Variants in MIR17HG observed in about 807,000 individuals in gnomAD.
MIR17HG encodes the protein MIR17 host gene (non-protein coding).
chr13:91,350,198 C>T (rs904494718), exon 3 of MIR17HG: 7 of 174,504 alleles, frequency 4.0e-5, no homozygotes, highest in Non-Finnish European at 8.7e-5. Context: ...AATGTTTTGC[C>T]ACGTGGATGT....
At chr13:91,348,830 C>T (rs1875109657) in intron 1 of MIR17HG, among the ~76,000 whole-genome samples, 2 of 149,676 alleles carry the variant, frequency 1.3e-5, no homozygotes, top group Admixed American at 1.3e-4. Context: ...ATGGCGGCGA[C>T]TGCGCGCCGC....
intron 3 of MIR17HG, chr13:91,351,421 T>C (rs774562990): frequency 2.0e-5 from 10 of 507,332 alleles, no homozygotes; most frequent in African/African-American, 1.7e-4. Context: ...ATTTTGAAAA[T>C]TAAATATTAC....
At chr13:91,350,716 T>TTA (rs1172689135) in intron 3 of MIR17HG, 1 of 533,894 alleles carries the variant, frequency 1.9e-6, no homozygotes, top group South Asian at 1.4e-5. Context: ...AAGTTGGGCT[T>TTA]TAAAGTGCAG....
intron 3 of MIR17HG, chr13:91,350,723 G>A (rs1333045050): frequency 1.9e-6 from 1 of 534,036 alleles, no homozygotes; most frequent in East Asian, 5.5e-5. Flanking sequence ...GCTTTAAAGT[G>A]CAGGGCCTGC....
upstream of MIR17HG, chr13:91,347,801 G>C (rs959504484): frequency 4.0e-5 from 6 of 151,394 alleles, no homozygotes; most frequent in South Asian, 2.1e-4. Flanking sequence ...CAGCGCCGCC[G>C]GGGCTCGCGC....
exon 4 of MIR17HG, chr13:91,354,168 A>C (rs1295750392): frequency 6.6e-6 from 1 of 152,250 alleles, no homozygotes; most frequent in Non-Finnish European, 1.5e-5. Flanking sequence ...CAATCTGCAC[A>C]GAGCCAGTTT....
chr13:91,348,004 TGCGGCCCGGGTCTGGCGGGCGGGGCGGA>T (rs1333466016), intron 1 of MIR17HG: 4 of 151,152 alleles, frequency 2.6e-5, no homozygotes, highest in South Asian at 3.8e-4. Context: ...ACCTGTTGTG[TGCGGCCCGGGTCTGGCGGGCGGGGCGGA>T]GCGGCCCGGG....
chr13:91,347,712 G>C (rs1032183992), upstream of MIR17HG: 11 of 152,860 alleles, frequency 7.2e-5, no homozygotes, highest in South Asian at 4.1e-4. Flanking sequence ...CCTTCGAGGT[G>C]CCGCCGCCGC....
intron 1 of MIR17HG, among the ~76,000 whole-genome samples, chr13:91,349,145 A>T (rs962792984): frequency 6.6e-6 from 1 of 151,902 alleles, no homozygotes; most frequent in Non-Finnish European, 1.5e-5. Context: ...CCCGGGCTCC[A>T]TGAGCGTGGC....
At chr13:91,348,743 A>C (rs934068862) in intron 1 of MIR17HG, among the ~76,000 whole-genome samples, 1 of 150,250 alleles carries the variant, frequency 6.7e-6, no homozygotes, top group African/African-American at 2.4e-5. Flanking sequence ...CGGGAGGGCC[A>C]GCCCGGCTCG....
chr13:91,348,805 G>A (rs542208877), intron 1 of MIR17HG, among the ~76,000 whole-genome samples: 2 of 150,166 alleles, frequency 1.3e-5, no homozygotes, highest in South Asian at 4.1e-4. Flanking sequence ...CTGCACGGGG[G>A]TGAGGGCGGG....
chr13:91,353,446 G>A (rs1399453064), intron 3 of MIR17HG, among the ~76,000 whole-genome samples: 24 of 152,164 alleles, frequency 1.6e-4, no homozygotes, highest in Admixed American at 1.6e-3. Flanking sequence ...GTTCTATAGG[G>A]TTTAATAGGA....
intron 3 of MIR17HG, among the ~76,000 whole-genome samples, chr13:91,352,688 AAC>A (rs1875378683): frequency 6.6e-6 from 1 of 152,238 alleles, no homozygotes; most frequent in South Asian, 2.1e-4. Flanking sequence ...ATGTGAAATG[AAC>A]AGTGATTTAT....
chr13:91,348,702 C>A (rs1359102192), intron 1 of MIR17HG, among the ~76,000 whole-genome samples: 1 of 150,668 alleles, frequency 6.6e-6, no homozygotes, highest in African/African-American at 2.4e-5. Flanking sequence ...GTGGAGCCGC[C>A]TGCGCCCGGC....
chr13:91,348,171 A>C (rs1316341911), intron 1 of MIR17HG, among the ~76,000 whole-genome samples: 3 of 8,990 alleles, frequency 3.3e-4, no homozygotes, highest in African/African-American at 9.5e-4. Context: ...GGAGGGGGGC[A>C]GGGCCGGGGC....
At chr13:91,348,273 C>T (rs1474635662) in intron 1 of MIR17HG, among the ~76,000 whole-genome samples, 1 of 150,324 alleles carries the variant, frequency 6.7e-6, no homozygotes. Flanking sequence ...GGTGGGCGGA[C>T]GGCGAACACA....
At chr13:91,353,527 C>A (rs1036219509) in intron 3 of MIR17HG, among the ~76,000 whole-genome samples, 1 of 152,112 alleles carries the variant, frequency 6.6e-6, no homozygotes, top group Non-Finnish European at 1.5e-5. Flanking sequence ...TTAAGATTTT[C>A]TTAGGCATGC....
intron 3 of MIR17HG, chr13:91,353,893 G>A (rs1875446367): frequency 6.6e-6 from 1 of 152,100 alleles, no homozygotes; most frequent in Non-Finnish European, 1.5e-5. Context: ...GCAAAGTGTT[G>A]GTGATTTTAC....
At chr13:91,350,861 AG>A in intron 3 of MIR17HG, 1 of 534,704 alleles carries the variant, frequency 1.9e-6, no homozygotes. Flanking sequence ...AAGCCAAGCA[AG>A]TATATAGGTG....
Sources: allele counts gnomAD v4.1 joint callset (sites outside exome capture counted in the v4.1 genomes callset), GRCh38; gene constraint gnomAD v4.1.1; transcripts MANE v1.5; gene names NCBI Gene and HGNC (gene_info 2026-07-23, HGNC 2026-07-21).